The following KIF6 variants were observed in gnomAD, a reference collection of about 807,000 sequenced individuals.
KIF6 encodes the protein kinesin-like protein KIF6.
KIF6 carries 106 observed loss-of-function variants against 112.7 expected under a neutral mutation model. The observed-to-expected ratio is 0.94, with a 90% CI of 0.80 to 1.11. The LOEUF (loss-of-function observed/expected upper bound fraction) is 1.11. KIF6 is among the 50% of genes least tolerant of loss of function. The pLI, the probability that KIF6 is intolerant of heterozygous loss-of-function variation, is 0.00. For missense variants in KIF6, 929 were observed against 964.0 expected (o/e 0.96, Z 0.48); for synonymous variants, 339 against 339.9 (o/e 1.00, Z 0.03).
At chr6:39,394,581 TG>T (rs1162555670) in intron 15 of KIF6, among the ~76,000 whole-genome samples, 1 of 151,940 alleles carries the variant, frequency 6.6e-6, no homozygotes, top group Non-Finnish European at 1.5e-5. Flanking sequence ...GGGCCAGGGG[TG>T]GGGGCACCTC....
At chr6:39,369,424 A>G (rs1275174060) in intron 16 of KIF6, among the ~76,000 whole-genome samples, 1 of 152,178 alleles carries the variant, frequency 6.6e-6, no homozygotes, top group Non-Finnish European at 1.5e-5. Flanking sequence ...CCTCAGGAAG[A>G]GCAGGGCACT....
intron 6 of KIF6, among the ~76,000 whole-genome samples, chr6:39,607,765 T>C (rs1782972917): frequency 6.6e-6 from 1 of 152,264 alleles, no homozygotes; most frequent in East Asian, 1.9e-4. Context: ...AAGGCCAAAA[T>C]ATAGTTTGCC....
chr6:39,514,619 G>T (rs1056060267), intron 13 of KIF6, among the ~76,000 whole-genome samples: 2 of 152,158 alleles, frequency 1.3e-5, no homozygotes, highest in Non-Finnish European at 2.9e-5. Flanking sequence ...ACTTTAGTAT[G>T]CCCACTAATA....
At chr6:39,586,906 C>T (rs1781667131) in intron 7 of KIF6, among the ~76,000 whole-genome samples, 1 of 152,100 alleles carries the variant, frequency 6.6e-6, no homozygotes, top group Non-Finnish European at 1.5e-5. Context: ...GTCTCCTCAT[C>T]TGTAAAATAG....
intron 3 of KIF6, among the ~76,000 whole-genome samples, chr6:39,642,411 C>T (rs1453588632): frequency 6.6e-6 from 1 of 152,126 alleles, no homozygotes; most frequent in East Asian, 1.9e-4. Context: ...AGCCTTGAAA[C>T]ATTGGAGCTG....
At chr6:39,442,387 C>G (rs1041657226) in intron 13 of KIF6, among the ~76,000 whole-genome samples, 1 of 152,196 alleles carries the variant, frequency 6.6e-6, no homozygotes, top group Admixed American at 6.5e-5. Flanking sequence ...GCAGAAAACA[C>G]TCATTTTCCT....
chr6:39,370,396 A>C (rs2150282993), intron 16 of KIF6, among the ~76,000 whole-genome samples: 1 of 152,300 alleles, frequency 6.6e-6, no homozygotes, highest in South Asian at 2.1e-4. Flanking sequence ...TAATTAGAGA[A>C]ATTTCAGGAG....
intron 6 of KIF6, among the ~76,000 whole-genome samples, chr6:39,601,985 A>G (rs1782601836): frequency 6.6e-6 from 1 of 152,140 alleles, no homozygotes; most frequent in Admixed American, 6.6e-5. Flanking sequence ...CTTCAATCCA[A>G]GTACTTTTAT....
At chr6:39,652,796 T>C (rs1785554462) in intron 3 of KIF6, among the ~76,000 whole-genome samples, 1 of 152,126 alleles carries the variant, frequency 6.6e-6, no homozygotes, top group African/African-American at 2.4e-5. Flanking sequence ...ACTTAGTAAG[T>C]GATAAGAGTA....
intron 15 of KIF6, among the ~76,000 whole-genome samples, chr6:39,406,744 C>T (rs1003270498): frequency 3.3e-5 from 5 of 151,946 alleles, no homozygotes; most frequent in African/African-American, 7.3e-5. Flanking sequence ...TGTTGTTTAA[C>T]CTGCAAGTAT....
chr6:39,581,329 G>A (rs1021955966), intron 9 of KIF6, among the ~76,000 whole-genome samples: 2 of 151,670 alleles, frequency 1.3e-5, no homozygotes, highest in African/African-American at 4.8e-5. Context: ...CACCATGCTC[G>A]GCTAATTTCT....
At chr6:39,345,275 C>T (rs1763613102) in intron 21 of KIF6, among the ~76,000 whole-genome samples, 1 of 152,208 alleles carries the variant, frequency 6.6e-6, no homozygotes, top group Admixed American at 6.5e-5. Flanking sequence ...GTGAAAGAGG[C>T]TGAGCAGCCA....
intron 9 of KIF6, among the ~76,000 whole-genome samples, chr6:39,580,757 T>C (rs939252239): frequency 1.3e-5 from 2 of 152,210 alleles, no homozygotes; most frequent in Non-Finnish European, 1.5e-5. Flanking sequence ...ACCCACTACT[T>C]AGCTTAAGTG....
At chr6:39,551,714 G>C (rs556543171) in intron 10 of KIF6, among the ~76,000 whole-genome samples, 1 of 152,228 alleles carries the variant, frequency 6.6e-6, no homozygotes, top group East Asian at 1.9e-4. Context: ...TGATAACTAG[G>C]AAGAATTGAG....
intron 13 of KIF6, among the ~76,000 whole-genome samples, chr6:39,479,323 T>C (rs1774646195): frequency 6.6e-6 from 1 of 152,178 alleles, no homozygotes; most frequent in Non-Finnish European, 1.5e-5. Flanking sequence ...ACACGTGGCT[T>C]GCCAATTATT....
Position 39,483,557 on chromosome 6 carries a change from G to A in KIF6, c.1646-52396C>T, listed in dbSNP as rs147056491. On this transcript the variant is annotated intron_variant, in intron 13 of 22. Coordinates refer to ENST00000287152, the MANE Select transcript of KIF6 (RefSeq NM_145027.6). ...TTAGCATTTTAAAAGGCTGTCCCTC[G>A]CTCATGAAAACAACTTGAAATCCAT... 3.4e-3 allele frequency among the ~76,000 whole-genome samples: 521 copies of A among 152,218 alleles called. 16 individuals carry two copies. Among genetic ancestry groups the A allele is most frequent in the Non-Finnish European group, 1.4e-3 (94 of 68,016 alleles).
At chr6:39,337,154 CT>C (rs745518741) in intron 22 of KIF6, among the ~76,000 whole-genome samples, 2,119 of 73,932 alleles carry the variant, frequency 0.029, 142 homozygotes, top group Non-Finnish European at 0.044. Flanking sequence ...CTTTCTCTTT[CT>C]TTTCTTTCTT....
At chr6:39,494,788 TG>T (rs1162840438) in intron 13 of KIF6, among the ~76,000 whole-genome samples, 9 of 152,102 alleles carry the variant, frequency 5.9e-5, no homozygotes, top group Non-Finnish European at 1.2e-4. Context: ...AATGTCCTTA[TG>T]ACAAGTTTTT....
At chr6:39,346,560 T>C in intron 19 of KIF6, 34 bp from the exon 20 acceptor site, 1 of 689,390 alleles carries the variant, frequency 1.5e-6, no homozygotes, top group East Asian at 2.7e-5. Context: ...TTTGAGCCAC[T>C]CAGTCTATAG....
Sources: gnomAD v4.1 joint callset for allele counts (sites outside exome capture counted in the v4.1 genomes callset) on GRCh38, gnomAD v4.1.1 for gene constraint, MANE v1.5 for transcripts, NCBI Gene and HGNC (gene_info 2026-07-23, HGNC 2026-07-21) for gene names.